The following FLCN variants were observed in gnomAD, a reference collection of about 807,000 sequenced individuals.
FLCN encodes BHD skin lesion fibrofolliculoma protein.
In FLCN, 22 loss-of-function variants were observed where a neutral mutation model predicts 62.5. The ratio of observed to expected loss-of-function variants is 0.35; its 90% confidence interval spans 0.25 to 0.50. The LOEUF is 0.50. Ranked by LOEUF, FLCN falls within the 20% of genes least tolerant of loss-of-function variation. The pLI is 0.97. For missense variants in FLCN, 657 were observed against 778.0 expected (o/e 0.84, Z 1.85); for synonymous variants, 319 against 310.0 (o/e 1.03, Z -0.30).
At chr17:17,218,350 T>C (rs770105696) in intron 9 of FLCN, among the ~76,000 whole-genome samples, 1 of 152,062 alleles carries the variant, frequency 6.6e-6, no homozygotes, top group Non-Finnish European at 1.5e-5. Flanking sequence ...GATATGCAAG[T>C]TGTTCCTAAT....
Position 17,219,055 on chromosome 17 carries a change from C to T in FLCN, c.1026G>A (p.Lys342=). 8 of 1,613,710 alleles carry T rather than the reference C, an allele frequency of 5.0e-6. No individual in the cohort carries two copies. Among genetic ancestry groups the T allele is most frequent in the Non-Finnish European group, 6.8e-6 (8 of 1,179,906 alleles). The change falls in exon 9 of 14, where the codon AAG becomes AAA. Residue 342 remains lysine (K), a synonymous_variant. Coordinates refer to ENST00000285071, the MANE Select transcript of FLCN (RefSeq NM_144997.7). ...LSGCGSWQPR[K]LPVFKSLRHM... ...GCCGGAGGGACTTGAAGACTGGCAGCTTCCGGGGCTGCCAGCTCCCACAGC... is the reference window on the plus strand; with the variant it reads ...GCCGGAGGGACTTGAAGACTGGCAGTTTCCGGGGCTGCCAGCTCCCACAGC...
chr17:17,223,904 C>T lies in FLCN; in HGVS notation c.618+18G>A. 1 of 1,613,070 alleles carries T rather than the reference C, an allele frequency of 6.2e-7. No homozygotes were observed. The highest frequency in any genetic ancestry group is 8.5e-7 in the Non-Finnish European group (1 of 1,179,968). On this transcript the variant is annotated intron_variant, in intron 6 of 13. Transcript: ENST00000285071. ...TGCAGGGCCCCCTGCCGCCCCGGCACCTCATCTCTGAATTCACCTTGAGCG... is the reference window on the plus strand; with the variant it reads ...TGCAGGGCCCCCTGCCGCCCCGGCATCTCATCTCTGAATTCACCTTGAGCG...
chr17:17,221,989 C>T (rs2144939684), intron 7 of FLCN, among the ~76,000 whole-genome samples: 1 of 148,944 alleles, frequency 6.7e-6, no homozygotes, highest in South Asian at 2.1e-4. Context: ...GACATGATCA[C>T]AGTATTGTGA....
At chr17:17,225,976 G>A in intron 5 of FLCN, 200 bp downstream of exon 5, 1 of 726,288 alleles carries the variant, frequency 1.4e-6, no homozygotes. Flanking sequence ...ATCAGAAAAT[G>A]CTCAGCAAGT....
intron 7 of FLCN, 48 bp from the exon 8 acceptor site, chr17:17,221,676 C>A (rs2144935681): frequency 6.3e-7 from 1 of 1,579,224 alleles, no homozygotes; most frequent in South Asian, 1.1e-5. Flanking sequence ...AAGGAAAAAG[C>A]AAACCTGACG....
chr17:17,219,468 A>C, intron 8 of FLCN: 1 of 480,692 alleles, frequency 2.1e-6, no homozygotes, highest in Non-Finnish European at 3.8e-6. Flanking sequence ...TGGTGAGAAA[A>C]CTCAAATCAG....
chr17:17,236,698 G>A (rs1050824127), intron 1 of FLCN, among the ~76,000 whole-genome samples: 1 of 152,144 alleles, frequency 6.6e-6, no homozygotes, highest in Non-Finnish European at 1.5e-5. Flanking sequence ...GAGAAGGGAA[G>A]GCAAACAGTC....
chr17:17,234,591 C>T (rs1396942746), intron 1 of FLCN, among the ~76,000 whole-genome samples: 1 of 151,870 alleles, frequency 6.6e-6, no homozygotes, highest in Non-Finnish European at 1.5e-5. Context: ...AGCCTGTAAT[C>T]CCAGCACTTT....
At chr17:17,229,503 C>G (rs2047357480) in intron 3 of FLCN, 1 of 113,792 alleles carries the variant, frequency 8.8e-6, no homozygotes, top group Admixed American at 9.4e-5. Flanking sequence ...GTCCTCAAAG[C>G]CATAGAGACA....
chr17:17,236,450 C>T (rs940937457), intron 1 of FLCN, among the ~76,000 whole-genome samples: 1 of 152,236 alleles, frequency 6.6e-6, no homozygotes, highest in Non-Finnish European at 1.5e-5. Context: ...TGTGTCCCCA[C>T]TTGAAGAGAC....
intron 13 of FLCN, among the ~76,000 whole-genome samples, chr17:17,214,120 C>T (rs1300865000): frequency 1.3e-5 from 2 of 151,100 alleles, no homozygotes; most frequent in Non-Finnish European, 2.9e-5. Context: ...CACCCTCCCT[C>T]AAGCTGTTGT....
At chr17:17,217,879 A>G (rs1448889325) in intron 9 of FLCN, among the ~76,000 whole-genome samples, 1 of 152,150 alleles carries the variant, frequency 6.6e-6, no homozygotes, top group Admixed American at 6.5e-5. Context: ...CCACAATACT[A>G]TGTCTCACCA....
chr17:17,215,185 C>G lies in FLCN; in HGVS notation c.1432G>C (p.Val478Leu), dbSNP rs777774091. 1 of 1,614,010 alleles carries G rather than the reference C, an allele frequency of 6.2e-7. No homozygotes were observed. The highest frequency in any genetic ancestry group is 1.3e-5 in the African/African-American group (1 of 74,928). ...GGACACTCTGCCTGGGGGCACCCACCTCGGTCTGCAGCTACAGGGCTCCCA... is the reference window on the plus strand; with the variant it reads ...GGACACTCTGCCTGGGGGCACCCACGTCGGTCTGCAGCTACAGGGCTCCCA... ...TSGSPVAADR[V>L]GPTILNKIEA... Residue 478 changes from valine to leucine, a missense_variant and splice_region_variant, in exon 12 of 14, where the codon GTG becomes CTG. Transcript: ENST00000285071.
At chr17:17,227,503 C>A (rs1222992369) in intron 4 of FLCN, among the ~76,000 whole-genome samples, 3 of 152,170 alleles carry the variant, frequency 2.0e-5, no homozygotes, top group South Asian at 4.1e-4. Context: ...CACCTGAGGT[C>A]ACGAGTTCAA....
intron 5 of FLCN, 192 bp from the exon 6 acceptor site, chr17:17,224,335 C>T: frequency 1.6e-6 from 1 of 624,118 alleles, no homozygotes; most frequent in Non-Finnish European, 2.9e-6. Context: ...TCCAACAACA[C>T]TTGTCATTGT....
At chr17:17,221,358 A>AAATCACAAC (rs750424403) in intron 8 of FLCN, 179 bp downstream of exon 8, 13 of 1,597,682 alleles carry the variant, frequency 8.1e-6, no homozygotes, top group Admixed American at 7.0e-5. Flanking sequence ...ACGAGACAGG[A>AAATCACAAC]AATCACAACA....
rs1395835211 is a variant in FLCN at position 17,237,101 on chromosome 17, T to A, written c.-417A>T. 2 of 151,980 alleles carry A rather than the reference T, an allele frequency of 1.3e-5. No homozygotes were observed. The highest frequency in any genetic ancestry group is 2.9e-5 in the Non-Finnish European group (2 of 68,004). 9.4% of individuals were successfully genotyped at this position (151,980 alleles called of 1,614,324 possible). A position where few individuals can be genotyped will look rare whatever the true frequency, so the allele number is the denominator to read the frequency against. ...GGGTGGCGAGGCTCTCAAGCCCGGGTTCAGGCTCTCAGGGGAGCTGGCAGA... is the reference window on the plus strand; with the variant it reads ...GGGTGGCGAGGCTCTCAAGCCCGGGATCAGGCTCTCAGGGGAGCTGGCAGA... On this transcript the variant is annotated 5_prime_UTR_variant, in exon 1 of 14. Transcript: ENST00000285071.
chr17:17,230,771 T>C (rs2047397426), intron 3 of FLCN, among the ~76,000 whole-genome samples: 1 of 150,378 alleles, frequency 6.6e-6, no homozygotes, highest in African/African-American at 2.4e-5. Flanking sequence ...CGCACGCTTG[T>C]AGTCCCAACT....
chr17:17,221,381 A>G (rs2047079772), intron 8 of FLCN, 156 bp downstream of exon 8: 1 of 1,608,850 alleles, frequency 6.2e-7, no homozygotes, highest in Admixed American at 1.7e-5. Flanking sequence ...CACAACAATC[A>G]CACCGAGATC....
Sources: allele counts gnomAD v4.1 joint callset (sites outside exome capture counted in the v4.1 genomes callset), GRCh38; gene constraint gnomAD v4.1.1; transcripts MANE v1.5; gene names NCBI Gene and HGNC (gene_info 2026-07-23, HGNC 2026-07-21).